The following OCIAD1 variants were observed in gnomAD, a reference collection of about 807,000 sequenced individuals.
The protein encoded by OCIAD1 is OCIA domain-containing protein 1.
In OCIAD1, 29 loss-of-function variants were observed where a neutral mutation model predicts 38.9. The observed-to-expected ratio is 0.74, with a 90% CI of 0.55 to 1.02. OCIAD1 has a LOEUF of 1.02. Ranked by LOEUF, OCIAD1 falls within the 50% of genes least tolerant of loss-of-function variation. OCIAD1 has a pLI of 0.00. For missense variants in OCIAD1, 288 were observed against 289.6 expected (o/e 0.99, Z 0.04); for synonymous variants, 110 against 92.0 (o/e 1.20, Z -1.12).
At chr4:48,816,499 C>T (rs1013724188) in intron 1 of OCIAD1, among the ~76,000 whole-genome samples, 4 of 150,170 alleles carry the variant, frequency 2.7e-5, no homozygotes, top group Non-Finnish European at 5.9e-5. Context: ...CGCCACTGCA[C>T]TCCAGCCTGG....
intron 3 of OCIAD1, among the ~76,000 whole-genome samples, chr4:48,835,810 G>C (rs1777927919): frequency 6.6e-6 from 1 of 152,114 alleles, no homozygotes; most frequent in Admixed American, 6.6e-5. Flanking sequence ...AACATAGTGA[G>C]ACCCTGTCCC....
chr4:48,820,026 G>T (rs1205649213), intron 1 of OCIAD1, among the ~76,000 whole-genome samples: 1 of 152,154 alleles, frequency 6.6e-6, no homozygotes, highest in Non-Finnish European at 1.5e-5. Context: ...TTCAGGATGT[G>T]AATTCAGCTC....
upstream of OCIAD1, among the ~76,000 whole-genome samples, chr4:48,830,275 C>T (rs1338364064): frequency 1.3e-5 from 2 of 152,044 alleles, no homozygotes; most frequent in Non-Finnish European, 2.9e-5. Flanking sequence ...AGTATGTCTT[C>T]GGGAGAATAA....
intron 8 of OCIAD1, among the ~76,000 whole-genome samples, chr4:48,858,156 C>G (rs528516347): frequency 1.3e-5 from 2 of 151,866 alleles, no homozygotes; most frequent in African/African-American, 4.8e-5. Flanking sequence ...TCTGTTCCCC[C>G]CTCCCCCCGC....
rs1780534157 is a variant in OCIAD1, at chr4:48,860,719, T to A, written c.701-6T>A. The stretch of plus-strand genomic sequence containing the variant: ...GAATCATCAATTATTTATGCTTTTT[T>A]CCTAGTCAAAGTAAACAAGTATGGA... On this transcript the variant is annotated splice_polypyrimidine_tract_variant and splice_region_variant and intron_variant, in intron 8 of 8. Transcript: ENST00000264312. 6.3e-7 allele frequency: 1 copy of A among 1,583,874 alleles called. No homozygotes were observed. Among genetic ancestry groups the A allele is most frequent in the Non-Finnish European group, 8.7e-7 (1 of 1,153,800 alleles).
intron 1 of OCIAD1, among the ~76,000 whole-genome samples, chr4:48,821,264 G>GT (rs763422637): frequency 2.0e-5 from 3 of 152,138 alleles, no homozygotes; most frequent in Admixed American, 2.0e-4. Flanking sequence ...ATCAATGAAT[G>GT]TAATCCATCA....
At chr4:48,835,996 G>A (rs1361795957) in intron 3 of OCIAD1, among the ~76,000 whole-genome samples, 1 of 152,182 alleles carries the variant, frequency 6.6e-6, no homozygotes, top group Non-Finnish European at 1.5e-5. Flanking sequence ...TTTCATTGAG[G>A]ATAGAACGTA....
intron 3 of OCIAD1, among the ~76,000 whole-genome samples, chr4:48,841,486 C>T (rs1028041272): frequency 3.3e-5 from 5 of 152,120 alleles, no homozygotes; most frequent in African/African-American, 1.2e-4. Context: ...TGTATCTACC[C>T]GGGGAACTCA....
intron 8 of OCIAD1, 130 bp from the exon 9 acceptor site, chr4:48,860,595 T>C: frequency 4.0e-6 from 3 of 742,008 alleles, no homozygotes; most frequent in Non-Finnish European, 4.7e-6. Flanking sequence ...TTTGTAATTA[T>C]AATTTGACTC....
At chr4:48,849,031 A>T (rs1779197405) in intron 5 of OCIAD1, among the ~76,000 whole-genome samples, 1 of 152,200 alleles carries the variant, frequency 6.6e-6, no homozygotes, top group South Asian at 2.1e-4. Flanking sequence ...TATTATCAGC[A>T]AACTATCACA....
At chr4:48,827,536 A>G (rs116209319), upstream of OCIAD1, among the ~76,000 whole-genome samples, 1,264 of 152,312 alleles carry the variant, frequency 8.3e-3, 21 homozygotes, top group African/African-American at 0.029. Context: ...TGCCCAATTT[A>G]TGTTTGAATT....
At chr4:48,840,088 T>C (rs1385017453) in intron 3 of OCIAD1, among the ~76,000 whole-genome samples, 1 of 152,228 alleles carries the variant, frequency 6.6e-6, no homozygotes, top group African/African-American at 2.4e-5. Context: ...AATACCTGAG[T>C]TGGAATGAGA....
At chr4:48,830,798 T>C (rs1777404222), upstream of OCIAD1, 1 of 152,074 alleles carries the variant, frequency 6.6e-6, no homozygotes, top group Non-Finnish European at 1.5e-5. Context: ...TTCCGGAACG[T>C]TCCCGCCAGC....
chr4:48,826,780 C>T (rs1281138537), upstream of OCIAD1, among the ~76,000 whole-genome samples: 2 of 152,220 alleles, frequency 1.3e-5, no homozygotes, highest in African/African-American at 4.8e-5. Flanking sequence ...CCAGCTACCA[C>T]TCTATCTTGC....
intron 1 of OCIAD1, among the ~76,000 whole-genome samples, chr4:48,809,759 T>C (rs1367120253): frequency 6.6e-6 from 1 of 152,300 alleles, no homozygotes; most frequent in East Asian, 1.9e-4. Flanking sequence ...CCCATTCCTT[T>C]GTTCTTCCCT....
intron 1 of OCIAD1, among the ~76,000 whole-genome samples, chr4:48,825,605 C>T (rs375044272): frequency 1.3e-5 from 2 of 152,178 alleles, no homozygotes; most frequent in African/African-American, 4.8e-5. Context: ...GCTTATAATG[C>T]AGGAAACTGG....
rs141685444 is a variant in OCIAD1 at position 48,857,380 on chromosome 4, T to G, written c.700+15T>G. Reference sequence around the variant, plus strand: ...AAAAAAAGAAGGTATGATAGTTTAGTCTGAATCACTTTACTGTTGAGGATT... The same window carrying G: ...AAAAAAAGAAGGTATGATAGTTTAGGCTGAATCACTTTACTGTTGAGGATT... On this transcript the variant is annotated intron_variant, in intron 8 of 8. Transcript: ENST00000264312. 1,310 of 1,499,174 alleles carry G rather than the reference T, an allele frequency of 8.7e-4. 9 individuals are homozygous for G. In the African/African-American group the frequency reaches 0.01, roughly 11 times the overall value. The allele number at this position is 1,499,174 out of a possible 1,614,324, so 92.9% of individuals were successfully genotyped here. A position where few individuals can be genotyped will look rare whatever the true frequency, so the allele number is the denominator to read the frequency against.
At chr4:48,829,192 G>A (rs1485455344), upstream of OCIAD1, among the ~76,000 whole-genome samples, 5 of 151,686 alleles carry the variant, frequency 3.3e-5, no homozygotes, top group Non-Finnish European at 4.4e-5. Flanking sequence ...TCTGGGAGGC[G>A]AAGGTTGCAG....
intron 1 of OCIAD1, among the ~76,000 whole-genome samples, chr4:48,812,401 G>A (rs1446021927): frequency 6.7e-6 from 1 of 149,836 alleles, no homozygotes; most frequent in African/African-American, 2.5e-5. Flanking sequence ...AGTGGCTACC[G>A]AGATGTCCAA....
Sources: allele counts gnomAD v4.1 joint callset (sites outside exome capture counted in the v4.1 genomes callset), GRCh38; gene constraint gnomAD v4.1.1; transcripts MANE v1.5; gene names NCBI Gene and HGNC (gene_info 2026-07-23, HGNC 2026-07-21).